C2orf76: variants seen among roughly 807,000 people sequenced by gnomAD.
C2orf76 encodes the protein chromosome 2 open reading frame 76.
C2orf76 carries 23 observed loss-of-function variants against 16.9 expected under a neutral mutation model. The observed-to-expected ratio is 1.36, with a 90% CI of 0.98 to 1.93. The LOEUF (loss-of-function observed/expected upper bound fraction) is 1.93. C2orf76 is among the 30% of genes most tolerant of loss of function. C2orf76 has a pLI of 0.00. For synonymous variants in C2orf76, 48 were observed against 52.3 expected (o/e 0.92, Z 0.35); for missense variants, 152 against 152.6 (o/e 1.00, Z 0.02).
intron 2 of C2orf76, among the ~76,000 whole-genome samples, chr2:119,327,336 ATTTTTTT>A (rs34185420): frequency 1.0e-4 from 7 of 68,694 alleles, no homozygotes; most frequent in Admixed American, 2.3e-4. Flanking sequence ...AATTACATGG[ATTTTTTT>A]TTTTTTTTTT....
In C2orf76 at chr2:119,350,076, GC is replaced by G. The variant is rs1344357904; in HGVS notation, c.-12-10106del. On this transcript the variant is annotated intron_variant, in intron 1 of 5. Transcript: ENST00000334816. Reference sequence around the variant, plus strand: ...CCACGCCCCGCCCACACCGCCCCCCGCCCCCCCACCGTCCCGCGTAAGTGTT... The same window carrying G: ...CCACGCCCCGCCCACACCGCCCCCCGCCCCCCACCGTCCCGCGTAAGTGTT... Among the ~76,000 whole-genome samples the G allele has an allele frequency of 2.1e-4, 7 of 32,872 alleles. 1 individual carries two copies. The East Asian group carries it at 3.8e-3, about 18-fold the overall frequency. 21.6% of individuals were successfully genotyped at this position (32,872 alleles called of 152,430 possible).
chr2:119,300,691 A>G (rs770733433), downstream of C2orf76, among the ~76,000 whole-genome samples: 120 of 152,260 alleles, frequency 7.9e-4, no homozygotes, highest in Non-Finnish European at 1.3e-3. Flanking sequence ...TACCTTACAT[A>G]TGCTCAGAAC....
At chr2:119,310,044 C>T (rs1678931722) in intron 5 of C2orf76, among the ~76,000 whole-genome samples, 1 of 152,192 alleles carries the variant, frequency 6.6e-6, no homozygotes, top group African/African-American at 2.4e-5. Context: ...ATGGGCTTGA[C>T]ATAATTTTCT....
intron 1 of C2orf76, among the ~76,000 whole-genome samples, chr2:119,346,054 C>CAAAAAAAA (rs56669262): frequency 4.1e-5 from 3 of 73,552 alleles, no homozygotes; most frequent in Non-Finnish European, 8.7e-5. Flanking sequence ...GACGCCATCT[C>CAAAAAAAA]AAAAAAAAAA....
intron 2 of C2orf76, among the ~76,000 whole-genome samples, chr2:119,329,889 T>C (rs977758712): frequency 6.6e-6 from 1 of 152,126 alleles, no homozygotes; most frequent in African/African-American, 2.4e-5. Flanking sequence ...TTTATATTTA[T>C]TATATTTACC....
intron 2 of C2orf76, among the ~76,000 whole-genome samples, chr2:119,325,914 C>T (rs1679495642): frequency 6.6e-6 from 1 of 152,050 alleles, no homozygotes; most frequent in Middle Eastern, 3.2e-3. Context: ...TGTTGTGTGT[C>T]TTATTATTGA....
At chr2:119,292,320 C>G in the C2orf76 span, among the ~76,000 whole-genome samples, 1 of 152,136 alleles carries the variant, frequency 6.6e-6, no homozygotes, top group Non-Finnish European at 1.5e-5. Flanking sequence ...GGACACTTAT[C>G]TTGCCTATTG....
At chr2:119,366,076 C>T (rs1048090478) in intron 1 of C2orf76, among the ~76,000 whole-genome samples, 2 of 152,036 alleles carry the variant, frequency 1.3e-5, no homozygotes, top group Non-Finnish European at 2.9e-5. Context: ...CTCAATACTC[C>T]CCCTCCTCCA....
intron 2 of C2orf76, among the ~76,000 whole-genome samples, chr2:119,334,136 T>C (rs75570759): frequency 0.014 from 2,074 of 152,090 alleles, 54 homozygotes; most frequent in African/African-American, 0.048. Context: ...TTCTGAAAAG[T>C]CTACATACTG....
the C2orf76 span, among the ~76,000 whole-genome samples, chr2:119,285,203 T>A: frequency 6.6e-6 from 1 of 152,360 alleles, no homozygotes; most frequent in Admixed American, 6.5e-5. Flanking sequence ...CTACTGTGCA[T>A]AAAACCATTA....
chr2:119,326,194 T>G (rs1679505187), intron 2 of C2orf76, among the ~76,000 whole-genome samples: 1 of 152,234 alleles, frequency 6.6e-6, no homozygotes, highest in South Asian at 2.1e-4. Flanking sequence ...TTCTTCTAGA[T>G]GTTTTATAGT....
At chr2:119,351,563 C>A (rs1014323731) in intron 1 of C2orf76, among the ~76,000 whole-genome samples, 7 of 151,902 alleles carry the variant, frequency 4.6e-5, no homozygotes, top group African/African-American at 1.7e-4. Flanking sequence ...TCAGCCTGGG[C>A]AACATAGCAA....
chr2:119,332,874 C>T (rs1211690028), intron 2 of C2orf76, among the ~76,000 whole-genome samples: 3 of 152,148 alleles, frequency 2.0e-5, no homozygotes, highest in African/African-American at 7.2e-5. Context: ...GGGCTACAGG[C>T]ATGCACTACA....
intron 1 of C2orf76, among the ~76,000 whole-genome samples, chr2:119,342,619 A>C (rs1680068851): frequency 6.6e-6 from 1 of 151,952 alleles, no homozygotes; most frequent in Non-Finnish European, 1.5e-5. Context: ...CTCAAAAAAC[A>C]AAAAAGAAAA....
intron 1 of C2orf76, among the ~76,000 whole-genome samples, chr2:119,361,843 T>C (rs1046154644): frequency 9.4e-6 from 1 of 106,612 alleles, no homozygotes; most frequent in Non-Finnish European, 2.1e-5. Context: ...CAAAATAGTG[T>C]TTTTTTGAAC....
At chr2:119,306,444 A>C (rs974328729) in intron 5 of C2orf76, among the ~76,000 whole-genome samples, 2 of 152,170 alleles carry the variant, frequency 1.3e-5, no homozygotes, top group African/African-American at 4.8e-5. Flanking sequence ...GCTTGCCGAG[A>C]ATGCTTCCCT....
At chr2:119,349,693 C>CCCTT (rs1680319923) in intron 1 of C2orf76, among the ~76,000 whole-genome samples, 1 of 152,146 alleles carries the variant, frequency 6.6e-6, no homozygotes, top group Admixed American at 6.5e-5. Context: ...CCTTCAAGAC[C>CCCTT]CAGCTCAGGG....
At chr2:119,339,358 A>G (rs1679950064) in intron 2 of C2orf76, among the ~76,000 whole-genome samples, 2 of 152,146 alleles carry the variant, frequency 1.3e-5, no homozygotes, top group African/African-American at 4.8e-5. Context: ...ACAATCAACT[A>G]GCACCGCCGT....
chr2:119,293,979 C>A, the C2orf76 span, among the ~76,000 whole-genome samples: 1 of 152,110 alleles, frequency 6.6e-6, no homozygotes, highest in Admixed American at 6.6e-5. Context: ...AGCAGGGACT[C>A]CAGCGGGCAG....
Sources: gnomAD v4.1 joint callset for allele counts (sites outside exome capture counted in the v4.1 genomes callset) on GRCh38, gnomAD v4.1.1 for gene constraint, MANE v1.5 for transcripts, NCBI Gene and HGNC (gene_info 2026-07-23, HGNC 2026-07-21) for gene names.